DPYSL5: variants seen among roughly 807,000 people sequenced by gnomAD.
DPYSL5 encodes dihydropyrimidinase like 5.
DPYSL5 carries 9 observed loss-of-function variants against 58.4 expected under a neutral mutation model. That is an observed-to-expected ratio of 0.15 (90% CI 0.09 to 0.27). The LOEUF is 0.27. Ranked by LOEUF, DPYSL5 falls within the 10% of genes least tolerant of loss-of-function variation. The pLI is 1.00. For missense variants in DPYSL5, 499 were observed against 770.6 expected (o/e 0.65, Z 4.17); for synonymous variants, 293 against 301.9 (o/e 0.97, Z 0.31).
Position 26,942,714 on chromosome 2 carries a change from A to C in DPYSL5, c.1404A>C (p.Pro468=). ...AGTTCTGTCCCCTGAGGTCCTTCCCAGACACTGTCTACAAGAAGCTGGTCC... is the reference window on the plus strand; with the variant it reads ...AGTTCTGTCCCCTGAGGTCCTTCCCCGACACTGTCTACAAGAAGCTGGTCC... ...TGKFCPLRSF[P]DTVYKKLVQR... is the part of the protein sequence containing the mutation. Residue 468 remains proline, a synonymous_variant, in exon 11 of 13, where the codon CCA becomes CCC. Transcript: ENST00000288699. The surrounding 1 kb of genome is among the most constrained non-coding windows in gnomAD (Gnocchi z 5.9). 1 of 1,614,116 alleles carries C rather than the reference A, an allele frequency of 6.2e-7. No individual in the cohort carries two copies. Among genetic ancestry groups the C allele is most frequent in the African/African-American group, 1.3e-5 (1 of 75,046 alleles).
intron 1 of DPYSL5, among the ~76,000 whole-genome samples, chr2:26,876,659 G>C: frequency 6.6e-6 from 1 of 151,978 alleles, no homozygotes; most frequent in Non-Finnish European, 1.5e-5. Context: ...GGGAGTACAG[G>C]TGCCTGCCAC....
intron 1 of DPYSL5, among the ~76,000 whole-genome samples, chr2:26,853,796 AC>A (rs1328511070): frequency 6.6e-6 from 1 of 152,154 alleles, no homozygotes; most frequent in Non-Finnish European, 1.5e-5. Context: ...TATGAGGCCC[AC>A]CCACATTATC....
rs1665400676 is a variant in DPYSL5, at chr2:26,944,156, G to T, written c.1441-500G>T. Among the ~76,000 whole-genome samples the T allele has an allele frequency of 6.6e-6, 1 of 152,154 alleles. No individual in the cohort carries two copies. The highest frequency in any genetic ancestry group is 2.4e-5 in the African/African-American group (1 of 41,436). Reference sequence around the variant, plus strand: ...ATACAAAAATTAGTCAGGCACGGTGGCAGGCGCCTGTAATCCTAGCTACTT... The same window carrying T: ...ATACAAAAATTAGTCAGGCACGGTGTCAGGCGCCTGTAATCCTAGCTACTT... On this transcript the variant is annotated intron_variant, in intron 11 of 12. Coordinates refer to ENST00000288699, the MANE Select transcript of DPYSL5 (RefSeq NM_020134.4). The surrounding 1 kb of genome is among the most constrained non-coding windows in gnomAD (Gnocchi z 4.4).
At chr2:26,881,397 C>T (rs558808269) in intron 1 of DPYSL5, among the ~76,000 whole-genome samples, 10 of 152,296 alleles carry the variant, frequency 6.6e-5, no homozygotes, top group African/African-American at 2.4e-4. Flanking sequence ...TGCCTGCCCC[C>T]GGGAGTCTCA....
chr2:26,853,034 A>G (rs1228458813), intron 1 of DPYSL5, among the ~76,000 whole-genome samples: 1 of 152,214 alleles, frequency 6.6e-6, no homozygotes, highest in Non-Finnish European at 1.5e-5. Context: ...AACACAAGGA[A>G]TGATTAGGAC....
chr2:26,945,494 A>G (rs796810046), intron 12 of DPYSL5, among the ~76,000 whole-genome samples: 14 of 151,602 alleles, frequency 9.2e-5, no homozygotes, highest in African/African-American at 3.4e-4. Flanking sequence ...CACGATCTGC[A>G]GTTTCCCGCC....
At chr2:26,864,926 G>A (rs970324504) in intron 1 of DPYSL5, among the ~76,000 whole-genome samples, 1 of 152,142 alleles carries the variant, frequency 6.6e-6, no homozygotes, top group Non-Finnish European at 1.5e-5. Context: ...TCTAAAGAAG[G>A]GGGCCCAAGA....
At chr2:26,936,271 T>A (rs115675833) in intron 8 of DPYSL5, among the ~76,000 whole-genome samples, 1,977 of 152,212 alleles carry the variant, frequency 0.013, 47 homozygotes, top group African/African-American at 0.045. Context: ...GCAGGAGCAG[T>A]GGAGGGAAGC....
At chr2:26,867,467 T>G (rs371020045) in intron 1 of DPYSL5, among the ~76,000 whole-genome samples, 23 of 149,890 alleles carry the variant, frequency 1.5e-4, no homozygotes, top group African/African-American at 5.2e-4. Context: ...TTGTTTTTTT[T>G]TTTTTTGAGA....
chr2:26,912,785 T>G (rs1257641873), intron 2 of DPYSL5, among the ~76,000 whole-genome samples: 1 of 152,234 alleles, frequency 6.6e-6, no homozygotes, highest in Non-Finnish European at 1.5e-5. Flanking sequence ...ATTTCATCAT[T>G]TTACATGTTG....
chr2:26,939,999 C>G (rs562005107), intron 8 of DPYSL5, 32 bp from the exon 9 acceptor site: 2 of 1,613,632 alleles, frequency 1.2e-6, no homozygotes, highest in Non-Finnish European at 1.7e-6. Context: ...ACCTCCCCTC[C>G]CCTTACTGGT....
intron 1 of DPYSL5, among the ~76,000 whole-genome samples, chr2:26,853,403 G>A (rs1665802477): frequency 6.6e-6 from 1 of 152,134 alleles, no homozygotes; most frequent in South Asian, 2.1e-4. Context: ...CACTTTCAAA[G>A]CACTCTGTGC....
At chr2:26,928,713 A>ACACACACACACACACACACACC (rs1257770511) in intron 5 of DPYSL5, among the ~76,000 whole-genome samples, 1 of 85,352 alleles carries the variant, frequency 1.2e-5, no homozygotes, top group Non-Finnish European at 2.6e-5. Context: ...ATACACACAC[A>ACACACACACACACACACACACC]CACATACATA....
chr2:26,928,687 G>GTGTGTATATATATATATATA, intron 5 of DPYSL5, among the ~76,000 whole-genome samples: 1 of 60,708 alleles, frequency 1.6e-5, no homozygotes, highest in African/African-American at 5.9e-5. Context: ...AGGTGATAGA[G>GTGTGTATATATATATATATA]TATATATATA....
intron 1 of DPYSL5, among the ~76,000 whole-genome samples, chr2:26,870,662 G>A (rs568903724): frequency 6.7e-6 from 1 of 148,466 alleles, no homozygotes; most frequent in African/African-American, 2.5e-5. Flanking sequence ...GCTATGATCC[G>A]CCACTGCACT....
intron 2 of DPYSL5, among the ~76,000 whole-genome samples, chr2:26,904,302 C>A (rs1664237271): frequency 6.6e-6 from 1 of 152,220 alleles, no homozygotes; most frequent in South Asian, 2.1e-4. Context: ...GTCCGCTTGG[C>A]AGGTTGCTTT....
At chr2:26,862,015 C>T (rs1389689035) in intron 1 of DPYSL5, among the ~76,000 whole-genome samples, 1 of 152,188 alleles carries the variant, frequency 6.6e-6, no homozygotes, top group Non-Finnish European at 1.5e-5. Context: ...TAGCTGAGAG[C>T]CTGCAACCAT....
At chr2:26,876,596 G>A (rs111519641) in intron 1 of DPYSL5, among the ~76,000 whole-genome samples, 402 of 152,092 alleles carry the variant, frequency 2.6e-3, no homozygotes, top group African/African-American at 9.3e-3. Flanking sequence ...GCTCACTGCA[G>A]CCTCCATCTC....
chr2:26,867,390 A>T (rs1029735337), intron 1 of DPYSL5, among the ~76,000 whole-genome samples: 4 of 151,886 alleles, frequency 2.6e-5, no homozygotes, highest in African/African-American at 9.7e-5. Context: ...ATAATGCTAC[A>T]ATTTAGTCTG....
Sources: gnomAD v4.1 joint callset for allele counts (sites outside exome capture counted in the v4.1 genomes callset) on GRCh38, gnomAD v4.1.1 for gene constraint, Gnocchi (gnomAD v3.1) non-coding constraint, MANE v1.5 for transcripts, NCBI Gene and HGNC (gene_info 2026-07-23, HGNC 2026-07-21) for gene names.